ASIC2: variants seen among roughly 807,000 people sequenced by gnomAD.
ASIC2 encodes the protein acid-sensing ion channel 2.
ASIC2 carries 25 observed loss-of-function variants against 57.3 expected under a neutral mutation model. The ratio of observed to expected loss-of-function variants is 0.44; its 90% CI spans 0.32 to 0.61. ASIC2 has a LOEUF of 0.61. Among genes scored for constraint, ASIC2 ranks in the 20% least tolerant of loss-of-function variants. The pLI, the probability that ASIC2 is intolerant of heterozygous loss-of-function variation, is 0.06. For missense variants in ASIC2, 641 were observed against 738.1 expected (o/e 0.87, Z 1.52); for synonymous variants, 319 against 307.5 (o/e 1.04, Z -0.39).
chr17:33,471,989 T>G (rs1402835360), intron 1 of ASIC2, among the ~76,000 whole-genome samples: 1 of 151,420 alleles, frequency 6.6e-6, no homozygotes, highest in Non-Finnish European at 1.5e-5. Context: ...GAGCTGAAAT[T>G]TGAACCCAGG....
chr17:33,472,865 C>T (rs1238794883), intron 1 of ASIC2, among the ~76,000 whole-genome samples: 3 of 152,100 alleles, frequency 2.0e-5, no homozygotes, highest in African/African-American at 4.8e-5. Flanking sequence ...GAATTCTGGG[C>T]CCTAATCTTG....
At chr17:33,105,725 A>G (rs900481630) in intron 2 of ASIC2, among the ~76,000 whole-genome samples, 1 of 152,208 alleles carries the variant, frequency 6.6e-6, no homozygotes, top group African/African-American at 2.4e-5. Flanking sequence ...CTAGAGACTC[A>G]TCAAATGGCT....
intron 1 of ASIC2, among the ~76,000 whole-genome samples, chr17:33,659,210 G>C (rs1907171626): frequency 6.6e-6 from 1 of 152,150 alleles, no homozygotes; most frequent in Non-Finnish European, 1.5e-5. Context: ...CACCTCTGCA[G>C]TTCCTTGAAG....
At chr17:33,865,748 TAAAAAAAAAATAA>T (rs1474655253) in intron 1 of ASIC2, among the ~76,000 whole-genome samples, 570 of 52,418 alleles carry the variant, frequency 0.011, 4 homozygotes, top group Admixed American at 0.041. Context: ...TAGAGTATAA[TAAAAAAAAAATAA>T]AAAAAAAAAA....
At chr17:33,078,183 A>G (rs908127479) in intron 3 of ASIC2, among the ~76,000 whole-genome samples, 7 of 150,380 alleles carry the variant, frequency 4.7e-5, no homozygotes, top group Admixed American at 1.3e-4. Flanking sequence ...GGGTCCAAGG[A>G]GGAAATAAGC....
At chr17:33,291,381 A>G (rs764988393) in intron 1 of ASIC2, 27 bp downstream of exon 1, 2 of 1,575,130 alleles carry the variant, frequency 1.3e-6, no homozygotes, top group Non-Finnish European at 1.7e-6. Flanking sequence ...GCGCAGAGGG[A>G]GCGGGTTCGC....
At chr17:33,355,377 T>C (rs1355543456) in intron 1 of ASIC2, among the ~76,000 whole-genome samples, 9 of 152,110 alleles carry the variant, frequency 5.9e-5, no homozygotes, top group Admixed American at 5.9e-4. Context: ...TGTGAGAATG[T>C]GAGAAACAGA....
intron 1 of ASIC2, among the ~76,000 whole-genome samples, chr17:33,307,506 C>A (rs1906233089): frequency 6.6e-6 from 1 of 152,132 alleles, no homozygotes; most frequent in African/African-American, 2.4e-5. Flanking sequence ...GACAGGATTT[C>A]ACCATGTTGG....
chr17:33,663,540 G>A (rs887979660), intron 1 of ASIC2, among the ~76,000 whole-genome samples: 1 of 150,130 alleles, frequency 6.7e-6, no homozygotes, highest in Non-Finnish European at 1.5e-5. Flanking sequence ...TTACGTGTAA[G>A]GTGGCAGTAA....
chr17:33,299,781 T>A (rs1905875717), intron 1 of ASIC2, among the ~76,000 whole-genome samples: 1 of 152,266 alleles, frequency 6.6e-6, no homozygotes, highest in South Asian at 2.1e-4. Flanking sequence ...GCTAGGAAGC[T>A]CATGCTCCAC....
chr17:33,080,119 G>A (rs2092107325), intron 3 of ASIC2, among the ~76,000 whole-genome samples: 1 of 152,122 alleles, frequency 6.6e-6, no homozygotes, highest in African/African-American at 2.4e-5. Flanking sequence ...TGTAACCTGG[G>A]AGAGGACAAT....
At chr17:33,062,671 A>G (rs1490041198) in intron 3 of ASIC2, among the ~76,000 whole-genome samples, 1 of 152,152 alleles carries the variant, frequency 6.6e-6, no homozygotes, top group African/African-American at 2.4e-5. Context: ...GTAGATGTCT[A>G]TTAGGTCTGC....
chr17:33,978,787 C>A (rs1254952528), intron 1 of ASIC2, among the ~76,000 whole-genome samples: 1 of 152,100 alleles, frequency 6.6e-6, no homozygotes, highest in Non-Finnish European at 1.5e-5. Context: ...TTAGGAAGGG[C>A]CTGGGGTGTC....
intron 1 of ASIC2, among the ~76,000 whole-genome samples, chr17:33,878,775 C>G (rs537865719): frequency 1.3e-5 from 2 of 152,050 alleles, no homozygotes; most frequent in African/African-American, 2.4e-5. Flanking sequence ...AGATACTCCT[C>G]GAGAAGAGCA....
chr17:33,042,550 C>T (rs2091933713), intron 3 of ASIC2, among the ~76,000 whole-genome samples: 1 of 152,210 alleles, frequency 6.6e-6, no homozygotes, highest in African/African-American at 2.4e-5. Context: ...TTTACTAGAA[C>T]CGTCTCATTG....
At chr17:33,311,123 G>A (rs1320287078) in intron 1 of ASIC2, among the ~76,000 whole-genome samples, 42 of 152,240 alleles carry the variant, frequency 2.8e-4, no homozygotes, top group Admixed American at 2.5e-3. Flanking sequence ...GGGAGGCAGC[G>A]CATCCTTAGT....
intron 1 of ASIC2, among the ~76,000 whole-genome samples, chr17:33,849,463 A>T (rs1913705152): frequency 6.6e-6 from 1 of 152,126 alleles, no homozygotes; most frequent in African/African-American, 2.4e-5. Context: ...TTAGTAAGTG[A>T]CTAAACCAGG....
chr17:33,158,430 G>C (rs1905072158), intron 1 of ASIC2, among the ~76,000 whole-genome samples: 1 of 152,216 alleles, frequency 6.6e-6, no homozygotes, highest in Non-Finnish European at 1.5e-5. Flanking sequence ...TACTGGTCTA[G>C]GGGGTGAATG....
chr17:33,155,684 C>G (rs948717609), intron 1 of ASIC2, among the ~76,000 whole-genome samples: 1 of 151,440 alleles, frequency 6.6e-6, no homozygotes, highest in Non-Finnish European at 1.5e-5. Context: ...CTCAGCCTCT[C>G]GAGTAGCTGG....
Sources: allele counts gnomAD v4.1 joint callset (sites outside exome capture counted in the v4.1 genomes callset), GRCh38; gene constraint gnomAD v4.1.1; transcripts MANE v1.5; gene names NCBI Gene and HGNC (gene_info 2026-07-23, HGNC 2026-07-21).